PTPRG: variants seen among roughly 807,000 people sequenced by gnomAD.
PTPRG encodes the protein receptor-type tyrosine-protein phosphatase gamma.
Under a neutral mutation model 165.3 loss-of-function variants are expected in PTPRG, and 102 were observed. The observed-to-expected ratio is 0.62, with a 90% confidence interval of 0.53 to 0.73. The LOEUF (loss-of-function observed/expected upper bound fraction) is 0.73. Among genes scored for constraint, PTPRG ranks in the 30% least tolerant of loss-of-function variants. PTPRG has a pLI of 0.00. For missense variants in PTPRG, 1,866 were observed against 1,861.4 expected (o/e 1.00, Z -0.05); for synonymous variants, 675 against 669.5 (o/e 1.01, Z -0.13).
chr3:62,276,903 CAGAA>C, intron 24 of PTPRG, 65 bp from the exon 25 acceptor site: 2 of 1,199,932 alleles, frequency 1.7e-6, no homozygotes, highest in Non-Finnish European at 2.5e-6. Context: ...AAGCAAATCT[CAGAA>C]AGAGCTGTTG....
In PTPRG at chr3:61,819,369, T is replaced by A. The variant is rs117647010; in HGVS notation, c.190+70387T>A. The stretch of plus-strand genomic sequence containing the variant: ...GTAGAGGTCGGTAAATGATTGCTAA[T>A]TGTTCTTTCTCTTTACATCTACTAA... On this transcript the variant is annotated intron_variant, in intron 2 of 29. Transcript: ENST00000474889. Among the ~76,000 whole-genome samples the A allele has an allele frequency of 9.2e-5, 14 of 152,326 alleles. 1 individual carries two copies. In the East Asian group the frequency reaches 2.7e-3, roughly 29 times the overall value.
At chr3:62,017,085 T>G (rs1291322032) in intron 4 of PTPRG, among the ~76,000 whole-genome samples, 6 of 152,160 alleles carry the variant, frequency 3.9e-5, no homozygotes, top group Non-Finnish European at 1.5e-5. Context: ...GAGGAGGGGA[T>G]CGGTCTGTCT....
chr3:62,167,905 T>C, intron 7 of PTPRG, 66 bp from the exon 8 acceptor site: 20 of 1,474,730 alleles, frequency 1.4e-5, no homozygotes, highest in Non-Finnish European at 1.9e-5. Flanking sequence ...AAATAGCTTT[T>C]CTAATTGATG....
chr3:61,856,326 C>T lies in PTPRG; in HGVS notation c.190+107344C>T, dbSNP rs141077169. Among the ~76,000 whole-genome samples the T allele has an allele frequency of 5.3e-5, 8 of 152,024 alleles. No homozygotes were observed. The East Asian group carries it at 1.2e-3, about 22-fold the overall frequency. On this transcript the variant is annotated intron_variant, in intron 2 of 29. Transcript: ENST00000474889. ...CCCCACTTCCCATTTCCCACCGCCC[C>T]GGCAACCACTGATCTACTTTCTAAG...
At chr3:61,816,147 A>T (rs2035755838) in intron 2 of PTPRG, among the ~76,000 whole-genome samples, 1 of 152,190 alleles carries the variant, frequency 6.6e-6, no homozygotes, top group Admixed American at 6.5e-5. Flanking sequence ...TCCAGGGATG[A>T]AGTTCAAATA....
At chr3:61,893,885 C>T (rs2038281238) in intron 2 of PTPRG, among the ~76,000 whole-genome samples, 1 of 152,166 alleles carries the variant, frequency 6.6e-6, no homozygotes, top group Non-Finnish European at 1.5e-5. Flanking sequence ...CTGGTCAGGT[C>T]ACTTACTACT....
At chr3:61,899,811 G>A (rs143537466) in intron 2 of PTPRG, among the ~76,000 whole-genome samples, 5 of 152,314 alleles carry the variant, frequency 3.3e-5, no homozygotes, top group South Asian at 4.1e-4. Context: ...TCGGGATGTC[G>A]TGGGATTTAG....
intron 2 of PTPRG, among the ~76,000 whole-genome samples, chr3:61,788,055 G>C (rs1029084031): frequency 6.6e-6 from 1 of 152,176 alleles, no homozygotes; most frequent in Non-Finnish European, 1.5e-5. Context: ...CAGTTAGAGA[G>C]GCTCCTGCTG....
intron 1 of PTPRG, among the ~76,000 whole-genome samples, chr3:61,707,225 C>T (rs2031309610): frequency 6.6e-6 from 1 of 152,180 alleles, no homozygotes; most frequent in African/African-American, 2.4e-5. Context: ...TGCGTTTTTA[C>T]CTATGATTAA....
intron 4 of PTPRG, among the ~76,000 whole-genome samples, chr3:62,022,113 CT>C (rs2041708973): frequency 6.6e-6 from 1 of 152,142 alleles, no homozygotes; most frequent in Non-Finnish European, 1.5e-5. Flanking sequence ...ACAGCCAAGG[CT>C]GCTGTACGTG....
intron 2 of PTPRG, among the ~76,000 whole-genome samples, chr3:61,868,590 T>G (rs1028572992): frequency 6.6e-6 from 1 of 152,172 alleles, no homozygotes; most frequent in Non-Finnish European, 1.5e-5. Flanking sequence ...TTGTGTGAGT[T>G]TGATTTTAAA....
At chr3:62,081,260 AC>A (rs67110821) in intron 5 of PTPRG, among the ~76,000 whole-genome samples, 65,195 of 133,590 alleles carry the variant, frequency 0.49, 16,442 homozygotes, top group African/African-American at 0.57. Flanking sequence ...CCGTCTCAAA[AC>A]AAACAAACAA....
chr3:61,776,299 C>G (rs1389576949), intron 2 of PTPRG, among the ~76,000 whole-genome samples: 18 of 152,030 alleles, frequency 1.2e-4, no homozygotes, highest in Non-Finnish European at 5.9e-5. Flanking sequence ...GACCTATGAG[C>G]TTGACTTACT....
intron 6 of PTPRG, among the ~76,000 whole-genome samples, chr3:62,146,548 T>TAA (rs1321733258): frequency 6.6e-6 from 1 of 151,984 alleles, no homozygotes; most frequent in Non-Finnish European, 1.5e-5. Context: ...TGGAGAGTGT[T>TAA]TCACAGGCAA....
intron 8 of PTPRG, among the ~76,000 whole-genome samples, chr3:62,184,261 C>T (rs550483482): frequency 6.6e-6 from 1 of 152,216 alleles, no homozygotes; most frequent in Non-Finnish European, 1.5e-5. Context: ...ATGCACATTA[C>T]ACTGGAGCTG....
chr3:62,194,117 A>G (rs879868393), intron 9 of PTPRG, among the ~76,000 whole-genome samples: 3 of 152,326 alleles, frequency 2.0e-5, no homozygotes, highest in South Asian at 2.1e-4. Flanking sequence ...AATCTCTGGC[A>G]TAACTACTCA....
In PTPRG at chr3:61,742,859, G is replaced by T. The variant is rs644860; in HGVS notation, c.86-6019G>T. 2.6e-6 allele frequency: 4 copies of T among 1,567,340 alleles called. No individual in the cohort carries two copies. In the African/African-American group the frequency reaches 4.0e-5, roughly 16 times the overall value. On this transcript the variant is annotated intron_variant, in intron 1 of 29. Transcript: ENST00000474889. ...TTTTTCAGCGCCTCGATGTCCATGT[G>T]GGGGATATCCACGGCCTTAGCCTCG...
At chr3:62,021,580 G>A (rs1448554755) in intron 4 of PTPRG, among the ~76,000 whole-genome samples, 2 of 152,146 alleles carry the variant, frequency 1.3e-5, no homozygotes, top group Non-Finnish European at 2.9e-5. Context: ...ATCAGTCAGG[G>A]TTTTAAATCC....
chr3:62,276,581 CATCATG>C, intron 24 of PTPRG: 1 of 178,542 alleles, frequency 5.6e-6, no homozygotes, highest in Non-Finnish European at 1.2e-5. Context: ...TTTCTAAGAC[CATCATG>C]AGCAGAAAGA....
Sources: gnomAD v4.1 joint callset for allele counts (sites outside exome capture counted in the v4.1 genomes callset) on GRCh38, gnomAD v4.1.1 for gene constraint, MANE v1.5 for transcripts, NCBI Gene and HGNC (gene_info 2026-07-23, HGNC 2026-07-21) for gene names.